TNR: variants seen among roughly 807,000 people sequenced by gnomAD.
The protein encoded by TNR is tenascin R.
In TNR, 45 loss-of-function variants were observed where a neutral mutation model predicts 150.4. The ratio of observed to expected loss-of-function variants is 0.30; its 90% CI spans 0.24 to 0.38. TNR has a LOEUF of 0.38. Ranked by LOEUF, TNR falls within the 10% of genes least tolerant of loss-of-function variation. The pLI, the probability that TNR is intolerant of heterozygous loss-of-function variation, is 1.00. For synonymous variants in TNR, 687 were observed against 678.4 expected, an observed-to-expected ratio of 1.01 and a Z score of -0.20; for missense variants, 1,544 against 1,759.1, an observed-to-expected ratio of 0.88 and a Z score of 2.19.
chr1:175,656,240 A>G (rs1665173628), intron 1 of TNR, among the ~76,000 whole-genome samples: 1 of 149,254 alleles, frequency 6.7e-6, no homozygotes, highest in Admixed American at 6.7e-5. Flanking sequence ...TCAGTTTGCC[A>G]ATCTCTATGC....
chr1:175,371,750 C>G (rs1652115605), intron 9 of TNR, among the ~76,000 whole-genome samples: 1 of 152,140 alleles, frequency 6.6e-6, no homozygotes, highest in Non-Finnish European at 1.5e-5. Context: ...TATTCCTTGG[C>G]CAAGGTCACA....
intron 20 of TNR, among the ~76,000 whole-genome samples, chr1:175,331,062 T>TTTCCTTC (rs1649803094): frequency 8.1e-5 from 10 of 123,998 alleles, no homozygotes; most frequent in Non-Finnish European, 1.7e-4. Flanking sequence ...TCTTTCTTTC[T>TTTCCTTC]TTCTTTCTTT....
chr1:175,680,393 G>A (rs572527837), intron 1 of TNR, among the ~76,000 whole-genome samples: 1 of 152,150 alleles, frequency 6.6e-6, no homozygotes, highest in Non-Finnish European at 1.5e-5. Flanking sequence ...AACAAGAGAG[G>A]GAGACAAAAG....
intron 20 of TNR, chr1:175,330,474 C>T (rs1649682904): frequency 2.7e-6 from 1 of 366,260 alleles, no homozygotes; most frequent in Non-Finnish European, 4.9e-6. Context: ...CTCAGGGGTT[C>T]TAATACCTCC....
At position 175,406,493 on chromosome 1, in the gene TNR, G is replaced by T. The variant is rs1163940101; in HGVS notation, c.222C>A (p.Pro74=). 1 of 1,614,156 alleles carries T rather than the reference G, an allele frequency of 6.2e-7. No homozygotes were observed. The highest frequency in any genetic ancestry group is 1.1e-5 in the South Asian group (1 of 91,082). ...GCCCTGAGGAGCAGAGGTTGTCCAA[G>T]GGCACGTTAATGTTGTACACGTGGT... ...VFNHVYNINV[P]LDNLCSSGLE... The change falls in exon 3 of 23, where the codon CCC becomes CCA. Residue 74 remains proline (P), a synonymous_variant. Transcript: ENST00000367674.
chr1:175,495,728 GCTGT>G (rs1418965299), intron 2 of TNR, among the ~76,000 whole-genome samples: 1 of 152,186 alleles, frequency 6.6e-6, no homozygotes, highest in African/African-American at 2.4e-5. Context: ...ACAATTACAT[GCTGT>G]CTAACTGAAC....
chr1:175,640,841 C>T (rs1014671630), intron 1 of TNR, among the ~76,000 whole-genome samples: 31 of 148,414 alleles, frequency 2.1e-4, no homozygotes, highest in African/African-American at 7.6e-4. Context: ...CTATAAATTA[C>T]CAGAAACAAA....
At chr1:175,738,455 A>G (rs947791006) in intron 1 of TNR, among the ~76,000 whole-genome samples, 1 of 152,222 alleles carries the variant, frequency 6.6e-6, no homozygotes, top group African/African-American at 2.4e-5. Context: ...ACTTACATGT[A>G]GTACCTAGGA....
chr1:175,503,529 C>T (rs996683565), intron 2 of TNR, among the ~76,000 whole-genome samples: 2 of 152,080 alleles, frequency 1.3e-5, no homozygotes, highest in Non-Finnish European at 2.9e-5. Flanking sequence ...ATGACTGTCA[C>T]CGGGAAACTG....
intron 21 of TNR, among the ~76,000 whole-genome samples, chr1:175,326,100 C>CT (rs1009312685): frequency 3.8e-4 from 58 of 152,058 alleles, no homozygotes; most frequent in African/African-American, 1.4e-3. Context: ...GAATAGACTG[C>CT]TTAAAGAGGT....
intron 14 of TNR, among the ~76,000 whole-genome samples, chr1:175,361,769 G>A (rs570211818): frequency 4.0e-4 from 61 of 152,310 alleles, no homozygotes; most frequent in African/African-American, 1.4e-3. Context: ...TAACTAGGAG[G>A]TTTGGTCTAG....
intron 1 of TNR, among the ~76,000 whole-genome samples, chr1:175,631,896 C>T (rs1214247416): frequency 1.3e-5 from 2 of 152,192 alleles, no homozygotes; most frequent in Non-Finnish European, 1.5e-5. Flanking sequence ...GCATGTAATG[C>T]TTTTTGACTA....
At chr1:175,606,205 C>T (rs1016341400) in intron 1 of TNR, among the ~76,000 whole-genome samples, 2 of 152,148 alleles carry the variant, frequency 1.3e-5, no homozygotes, top group South Asian at 2.1e-4. Flanking sequence ...TCCTTAACTA[C>T]CCAGATAAGT....
intron 18 of TNR, among the ~76,000 whole-genome samples, chr1:175,343,545 C>A (rs1240969812): frequency 6.6e-6 from 1 of 152,134 alleles, no homozygotes; most frequent in Non-Finnish European, 1.5e-5. Context: ...GTCCCTATTC[C>A]ATTACTCTGT....
At chr1:175,686,880 T>G (rs754553958) in intron 1 of TNR, among the ~76,000 whole-genome samples, 5 of 152,234 alleles carry the variant, frequency 3.3e-5, no homozygotes, top group Non-Finnish European at 7.4e-5. Context: ...TTTCCTTATC[T>G]AGCTCACCAT....
At chr1:175,326,499 A>T (rs1649404102) in intron 21 of TNR, among the ~76,000 whole-genome samples, 1 of 152,120 alleles carries the variant, frequency 6.6e-6, no homozygotes, top group South Asian at 2.1e-4. Flanking sequence ...CTAACTCAAC[A>T]TGACATGATC....
At chr1:175,563,805 C>T (rs1661527526) in intron 1 of TNR, among the ~76,000 whole-genome samples, 1 of 152,186 alleles carries the variant, frequency 6.6e-6, no homozygotes, top group South Asian at 2.1e-4. Context: ...TTCTATTTTC[C>T]AATCAACTGT....
At chr1:175,688,521 A>T (rs1315271131) in intron 1 of TNR, among the ~76,000 whole-genome samples, 1 of 152,202 alleles carries the variant, frequency 6.6e-6, no homozygotes, top group Non-Finnish European at 1.5e-5. Context: ...GCAGACCCCA[A>T]ATGCCACAGA....
chr1:175,375,935 T>G (rs1297853289), intron 9 of TNR, among the ~76,000 whole-genome samples: 1 of 152,224 alleles, frequency 6.6e-6, no homozygotes, highest in African/African-American at 2.4e-5. Flanking sequence ...GGATGTCTTT[T>G]AGATGAGAGA....
Sources: allele counts gnomAD v4.1 joint callset (sites outside exome capture counted in the v4.1 genomes callset), GRCh38; gene constraint gnomAD v4.1.1; transcripts MANE v1.5; gene names NCBI Gene and HGNC (gene_info 2026-07-23, HGNC 2026-07-21).